Variants in LPCAT1 observed in about 807,000 individuals in gnomAD.
The protein encoded by LPCAT1 is lysophosphatidylcholine acyltransferase 1.
In LPCAT1, 23 loss-of-function variants were observed where a neutral mutation model predicts 60.9. The observed-to-expected ratio is 0.38, with a 90% CI of 0.27 to 0.53. The LOEUF (loss-of-function observed/expected upper bound fraction) is 0.53, where lower values mean the gene tolerates loss of function less well. Among genes scored for constraint, LPCAT1 ranks in the 20% least tolerant of loss-of-function variants. LPCAT1 has a pLI of 0.82. For missense variants in LPCAT1, 622 were observed against 723.6 expected (o/e 0.86, Z 1.61); for synonymous variants, 340 against 301.1 (o/e 1.13, Z -1.34).
chr5:1,520,880 G>A (rs1318268312), intron 1 of LPCAT1, among the ~76,000 whole-genome samples: 203 of 103,414 alleles, frequency 2.0e-3, no homozygotes, highest in Middle Eastern at 0.01. Flanking sequence ...AAAAAAAAAA[G>A]AAAAAGAAAA....
intron 2 of LPCAT1, among the ~76,000 whole-genome samples, chr5:1,499,520 C>T (rs553687249): frequency 7.2e-5 from 11 of 152,178 alleles, no homozygotes; most frequent in Non-Finnish European, 1.5e-4. Flanking sequence ...ATACCCAATT[C>T]CTATTTTATG....
chr5:1,471,876 C>T (rs568672102), intron 11 of LPCAT1, among the ~76,000 whole-genome samples: 2 of 143,400 alleles, frequency 1.4e-5, no homozygotes, highest in South Asian at 2.3e-4. Flanking sequence ...GAAGGACTCC[C>T]TGGCTGGAGA....
At chr5:1,519,691 G>C (rs1030152619) in intron 1 of LPCAT1, among the ~76,000 whole-genome samples, 1 of 152,256 alleles carries the variant, frequency 6.6e-6, no homozygotes, top group African/African-American at 2.4e-5. Flanking sequence ...AAGGATGACA[G>C]TGACCAGAGG....
intron 6 of LPCAT1, among the ~76,000 whole-genome samples, chr5:1,482,202 C>T (rs140052311): frequency 3.6e-4 from 54 of 151,796 alleles, no homozygotes; most frequent in African/African-American, 9.9e-4. Context: ...GGGGCAAGGA[C>T]GTGCGGGAGT....
rs568719920 is a variant in LPCAT1, at chr5:1,490,364, G to A, written c.494-506C>T. On this transcript the variant is annotated intron_variant, in intron 3 of 13. Coordinates refer to ENST00000283415, the MANE Select transcript of LPCAT1 (RefSeq NM_024830.5). Reference sequence around the variant, plus strand: ...CAAGGTCCCGGATGAGGGTCCCTATGGGAAGAGGAGACAAAGCAGATGCTC... The same window carrying A: ...CAAGGTCCCGGATGAGGGTCCCTATAGGAAGAGGAGACAAAGCAGATGCTC... Among the ~76,000 whole-genome samples the A allele has an allele frequency of 7.4e-4, 113 of 152,272 alleles. 1 individual carries two copies. The South Asian group carries it at 0.022, about 30-fold the overall frequency.
chr5:1,468,793 G>A (rs1734547272), intron 12 of LPCAT1, among the ~76,000 whole-genome samples: 1 of 152,250 alleles, frequency 6.6e-6, no homozygotes, highest in Admixed American at 6.5e-5. Flanking sequence ...TAGGTGCTAG[G>A]AGTTCTGTGT....
chr5:1,479,967 C>T (rs1244935861), intron 7 of LPCAT1, among the ~76,000 whole-genome samples: 1 of 151,938 alleles, frequency 6.6e-6, no homozygotes, highest in African/African-American at 2.4e-5. Flanking sequence ...ACAGCCCACA[C>T]CTGTCCCTCC....
At chr5:1,464,759 G>GCA (rs369210112) in intron 13 of LPCAT1, among the ~76,000 whole-genome samples, 4,645 of 102,042 alleles carry the variant, frequency 0.046, 235 homozygotes, top group African/African-American at 0.16. Flanking sequence ...CACAAAACAA[G>GCA]CACACACACG....
At chr5:1,491,119 G>T (rs1735561725) in intron 3 of LPCAT1, among the ~76,000 whole-genome samples, 1 of 137,574 alleles carries the variant, frequency 7.3e-6, no homozygotes, top group African/African-American at 2.6e-5. Context: ...GGGTCTCTGT[G>T]GTCTTTCCTA....
chr5:1,496,418 A>AC lies in LPCAT1; in HGVS notation c.279-1505_279-1504insG, dbSNP rs1280134315. ...CTTCTGTGCACATGTTATTTTCCAC[A>AC]AAAAAAAAAAAAAAGTACAAAAACA... On this transcript the variant is annotated intron_variant, in intron 2 of 13. Transcript: ENST00000283415. This position sits in a 1 kb window ranked among gnomAD's most constrained non-coding sequence, Gnocchi z 4.7. Among the ~76,000 whole-genome samples the AC allele has an allele frequency of 1.2e-4, 12 of 102,070 alleles. No individual in the cohort carries two copies. Among genetic ancestry groups the AC allele is most frequent in the Admixed American group, 4.5e-4 (5 of 11,106 alleles). 67.0% of individuals were successfully genotyped at this position (102,070 alleles called of 152,430 possible).
chr5:1,480,855 G>GT lies in LPCAT1; in HGVS notation c.761+86dup. On this transcript the variant is annotated intron_variant, in intron 7 of 13. Coordinates refer to ENST00000283415, the MANE Select transcript of LPCAT1 (RefSeq NM_024830.5). This position sits in a 1 kb window ranked among gnomAD's most constrained non-coding sequence, Gnocchi z 6.4. ...CACACCTGCTTTCACAACTGCAAAA[G>GT]TAACTAGCGTGCACAGCAGACCCCA... 1 of 1,506,732 alleles carries GT rather than the reference G, an allele frequency of 6.6e-7. No individual in the cohort carries two copies. The highest frequency in any genetic ancestry group is 1.7e-4 in the Middle Eastern group (1 of 5,810). The allele number at this position is 1,506,732 out of a possible 1,614,324, so 93.3% of individuals were successfully genotyped here.
chr5:1,501,746 AAGGCTGACCAGCACTGACCG>A, intron 1 of LPCAT1, 143 bp from the exon 2 acceptor site: 1 of 836,892 alleles, frequency 1.2e-6, no homozygotes, highest in South Asian at 1.6e-5. Context: ...ACAGCTGACC[AAGGCTGACCAGCACTGACCG>A]AGGCTGACCA....
rs541985873 is a variant in LPCAT1 at position 1,487,782 on chromosome 5, A to C, written c.667+609T>G. On this transcript the variant is annotated intron_variant, in intron 5 of 13. Transcript: ENST00000283415. The surrounding 1 kb of genome is among the most constrained non-coding windows in gnomAD (Gnocchi z 6.1). ...CCAGGTGGACCCTCTGACACGCCCAAGGGTGTGCAGAATTCCAAACAGACT... is the reference window on the plus strand; with the variant it reads ...CCAGGTGGACCCTCTGACACGCCCACGGGTGTGCAGAATTCCAAACAGACT... Among the ~76,000 whole-genome samples the C allele has an allele frequency of 1.8e-4, 28 of 152,258 alleles. No individual in the cohort carries two copies. The highest frequency in any genetic ancestry group is 6.5e-4 in the African/African-American group (27 of 41,540).
Position 1,494,278 on chromosome 5 carries a change from G to A in LPCAT1, c.493+422C>T, listed in dbSNP as rs567115535. ...TGGAGCAAGCACTGTAGCCTGTTAT[G>A]ATAGTGAGGGCACTCAGGTAGCAAT... On this transcript the variant is annotated intron_variant, in intron 3 of 13. Transcript: ENST00000283415. 2.6e-5 allele frequency among the ~76,000 whole-genome samples: 4 copies of A among 152,358 alleles called. No homozygotes were observed. In the East Asian group the frequency reaches 7.7e-4, roughly 29 times the overall value.
rs879271198 is a variant in LPCAT1, at chr5:1,472,017, G to GAGGACTCTAGTCAGAGGGCA, written c.1180-1094_1180-1093insTGCCCTCTGACTAGAGTCCT. The stretch of plus-strand genomic sequence containing the variant: ...GAGGTGAGGAGCACTCAGGAGCAGA[G>GAGGACTCTAGTCAGAGGGCA]GGAGGACGCTCTGGTCAGAGAGCAG... On this transcript the variant is annotated intron_variant, in intron 11 of 13. Coordinates refer to ENST00000283415, the MANE Select transcript of LPCAT1 (RefSeq NM_024830.5). Among the ~76,000 whole-genome samples, 17 of 13,388 alleles carry GAGGACTCTAGTCAGAGGGCA rather than the reference G, an allele frequency of 1.3e-3. 1 individual carries two copies. Among genetic ancestry groups the GAGGACTCTAGTCAGAGGGCA allele is most frequent in the African/African-American group, 5.5e-3 (10 of 1,810 alleles). The allele number at this position is 13,388 out of a possible 152,430, so 8.8% of individuals were successfully genotyped here.
At position 1,462,447 on chromosome 5, in the gene LPCAT1, C is replaced by G. The variant is rs745985585; in HGVS notation, c.*1204G>C. The G allele has an allele frequency of 2.0e-5, 3 of 152,442 alleles. No homozygotes were observed. The highest frequency in any genetic ancestry group is 6.5e-5 in the Admixed American group (1 of 15,302). The allele number at this position is 152,442 out of a possible 1,614,324, so 9.4% of individuals were successfully genotyped here. A position where few individuals can be genotyped will look rare whatever the true frequency, so the allele number is the denominator to read the frequency against. On this transcript the variant is annotated 3_prime_UTR_variant, in exon 14 of 14. Coordinates refer to ENST00000283415, the MANE Select transcript of LPCAT1 (RefSeq NM_024830.5). ...ACCCCCGCTCTCAGTGGGATGTGCC[C>G]GCGACCCTGGCGCTGGGAGGCAGTG... is the stretch of plus-strand genomic sequence containing the variant.
At position 1,494,834 on chromosome 5, in the gene LPCAT1, C is replaced by T. The variant is rs149039406; in HGVS notation, c.359G>A (p.Arg120Gln). The change falls in exon 3 of 14, where the codon CGG becomes CAG. Residue 120 changes from arginine (R) to glutamine (Q), a missense_variant. By Grantham distance (43) the Arg-to-Gln change is conservative. This residue lies in a region of LPCAT1 where 209 missense variants were observed against 325.5 expected (regional missense o/e 0.64). Transcript: ENST00000283415. ...GGFHRVAVKGRQALPTEAAIL... is the reference protein window; with the variant it reads ...GGFHRVAVKGQQALPTEAAIL... ...GGCCGCCTCGGTGGGCAGCGCCTGC[C>T]GCCCCTTCACGGCCACCCGGTGGAA... The T allele has an allele frequency of 4.5e-5, 73 of 1,613,604 alleles. No homozygotes were observed. The South Asian group carries it at 5.8e-4, about 13-fold the overall frequency.
chr5:1,503,777 G>A (rs1265386022), intron 1 of LPCAT1, among the ~76,000 whole-genome samples: 1 of 148,750 alleles, frequency 6.7e-6, no homozygotes, highest in Non-Finnish European at 1.5e-5. Context: ...CAATGGGGAA[G>A]TCTCTTCCTG....
Position 1,483,200 on chromosome 5 carries a change from G to C in LPCAT1, c.726+228C>G, listed in dbSNP as rs1191723148. Among the ~76,000 whole-genome samples, 2 of 152,112 alleles carry C rather than the reference G, an allele frequency of 1.3e-5. No homozygotes were observed. Among genetic ancestry groups the C allele is most frequent in the Non-Finnish European group, 2.9e-5 (2 of 68,016 alleles). On this transcript the variant is annotated intron_variant, in intron 6 of 13. Coordinates refer to ENST00000283415, the MANE Select transcript of LPCAT1 (RefSeq NM_024830.5). The surrounding 1 kb of genome is among the most constrained non-coding windows in gnomAD (Gnocchi z 9.2). ...ACTGTGGAATCATGGGGTTGATCAG[G>C]GACACGTGCATAGAACAGGCCGCAC...
Sources: gnomAD v4.1 joint callset for allele counts (sites outside exome capture counted in the v4.1 genomes callset) on GRCh38, gnomAD v4.1.1 for gene constraint, gnomAD v4.1.1 regional missense constraint, Gnocchi (gnomAD v3.1) non-coding constraint, MANE v1.5 for transcripts, NCBI Gene and HGNC (gene_info 2026-07-23, HGNC 2026-07-21) for gene names.